The following USP35 variants were observed in gnomAD, a reference collection of about 807,000 sequenced individuals.
The protein encoded by USP35 is ubiquitin specific peptidase 35, also known as ubiquitin carboxyl-terminal hydrolase 35.
A neutral mutation model predicts 83.8 loss-of-function variants in USP35; 69 were observed. That is an observed-to-expected ratio of 0.82 (90% CI 0.68 to 1.01). The LOEUF (loss-of-function observed/expected upper bound fraction) is 1.01. USP35 is among the 50% of genes least tolerant of loss of function. The probability of loss-of-function intolerance (pLI) is 0.00; values close to 1 mark genes in which losing one functional copy is unlikely to be tolerated. For synonymous variants in USP35, 714 were observed against 589.5 expected, an observed-to-expected ratio of 1.21 and a Z score of -3.06; for missense variants, 1,503 against 1,362.5, an observed-to-expected ratio of 1.10 and a Z score of -1.62.
At chr11:78,234,726 T>A in the USP35 span, among the ~76,000 whole-genome samples, 1 of 151,932 alleles carries the variant, frequency 6.6e-6, no homozygotes, top group Non-Finnish European at 1.5e-5. Context: ...TACAACATTA[T>A]CTTGATTACC....
chr11:78,231,780 T>TC, the USP35 span: 1 of 152,250 alleles, frequency 6.6e-6, no homozygotes, highest in Non-Finnish European at 1.5e-5. Flanking sequence ...CCCACTGGAC[T>TC]CCAAGAACCC....
In USP35 at chr11:78,207,599, C is replaced by T. The variant is rs1445412794; in HGVS notation, c.1461C>T (p.Leu487=). 62 of 1,613,954 alleles carry T rather than the reference C, an allele frequency of 3.8e-5. 1 individual carries two copies. In the Admixed American group the frequency reaches 1.0e-3, roughly 26 times the overall value. The change falls in exon 8 of 11, where the codon CTC becomes CTT. Residue 487 remains leucine (L), a synonymous_variant. Coordinates refer to ENST00000529308, the MANE Select transcript of USP35 (RefSeq NM_020798.4). The part of the protein sequence containing the change: ...SQPLMTKLQW[L]FGFLEHSQRP... ...CCCTGATGACCAAGCTGCAGTGGCTCTTTGGCTTCCTAGAACACAGCCAGG... is the reference window on the plus strand; with the variant it reads ...CCCTGATGACCAAGCTGCAGTGGCTTTTTGGCTTCCTAGAACACAGCCAGG...
At chr11:78,219,875 T>G (rs1279919486), downstream of USP35, among the ~76,000 whole-genome samples, 2 of 152,150 alleles carry the variant, frequency 1.3e-5, no homozygotes, top group East Asian at 1.9e-4. Flanking sequence ...TCTAGACTGC[T>G]TAGCTATAAG....
chr11:78,189,854 C>T (rs1590890731), intron 1 of USP35, among the ~76,000 whole-genome samples: 1 of 152,282 alleles, frequency 6.6e-6, no homozygotes, highest in Middle Eastern at 3.4e-3. Flanking sequence ...AGTTTGGTGG[C>T]CCAGACATGG....
At chr11:78,219,488 G>A (rs979921168), downstream of USP35, 46 of 1,397,854 alleles carry the variant, frequency 3.3e-5, no homozygotes, top group African/African-American at 2.0e-4. Context: ...AGGTGGGCAC[G>A]GGATCTTCCT....
chr11:78,194,440 C>T (rs1167322696), intron 1 of USP35, among the ~76,000 whole-genome samples: 1 of 152,198 alleles, frequency 6.6e-6, no homozygotes, highest in Non-Finnish European at 1.5e-5. Context: ...ACTCTAGCTC[C>T]AGTTCTCAGG....
downstream of USP35, chr11:78,219,104 C>G: frequency 1.6e-6 from 1 of 641,242 alleles, no homozygotes; most frequent in African/African-American, 1.8e-5. Flanking sequence ...ATCAGGCCCT[C>G]ACCTCCCAGG....
intron 8 of USP35, 95 bp downstream of exon 8, chr11:78,207,718 G>T (rs1863576085): frequency 7.9e-7 from 1 of 1,260,762 alleles, no homozygotes. Context: ...GCCTGCATCT[G>T]GCTGTCATCT....
rs193272798 is a variant in USP35, at chr11:78,210,016, A to G, written c.2161A>G (p.Lys721Glu). The G allele has an allele frequency of 6.0e-5, 96 of 1,608,746 alleles. 1 individual carries two copies. Among genetic ancestry groups the G allele is most frequent in the Admixed American group, 4.9e-4 (29 of 59,732 alleles). The change falls in exon 10 of 11, where the codon AAG (lysine) becomes GAG (glutamate). Residue 721 changes from lysine (K) to glutamate (E), a missense_variant. Transcript: ENST00000529308. ...GGAAGAGGAAGAAGAGAAGGTGGAG[A>G]AGGAGACAGAAAAGGAGGCTGAGCA... Reference protein sequence around the residue: ...EVEEEEEKVEKETEKEAEQEK... With the variant: ...EVEEEEEKVEEETEKEAEQEK...
chr11:78,204,036 G>A (rs1018440831), intron 6 of USP35, among the ~76,000 whole-genome samples: 48 of 149,212 alleles, frequency 3.2e-4, no homozygotes, highest in African/African-American at 8.4e-4. Context: ...GACTACAGGC[G>A]CCCGCCACTA....
intron 4 of USP35, 147 bp downstream of exon 4, chr11:78,199,871 T>C: frequency 7.5e-7 from 1 of 1,332,922 alleles, no homozygotes; most frequent in Non-Finnish European, 1.0e-6. Flanking sequence ...TCTCTGGGCC[T>C]CAGATTCTCC....
the USP35 span, chr11:78,231,705 G>A: frequency 1.3e-5 from 2 of 152,038 alleles, no homozygotes; most frequent in African/African-American, 4.8e-5. Context: ...TTTTGTACTT[G>A]TTCTTCCACA....
At chr11:78,228,924 ACT>A in the USP35 span, among the ~76,000 whole-genome samples, 105 of 150,972 alleles carry the variant, frequency 7.0e-4, no homozygotes, top group Middle Eastern at 3.4e-3. Flanking sequence ...GGAATTTCCA[ACT>A]CTCTGTTGGA....
chr11:78,195,276 G>A (rs1863110799), intron 1 of USP35, among the ~76,000 whole-genome samples: 1 of 152,182 alleles, frequency 6.6e-6, no homozygotes, highest in African/African-American at 2.4e-5. Flanking sequence ...TCTCACTGAG[G>A]ACGGGTGCTT....
chr11:78,235,903 G>A, the USP35 span, among the ~76,000 whole-genome samples: 1 of 152,144 alleles, frequency 6.6e-6, no homozygotes, highest in African/African-American at 2.4e-5. Context: ...CACATTTTTG[G>A]TATCTTTTCA....
chr11:78,194,237 G>A (rs554262944), intron 1 of USP35, among the ~76,000 whole-genome samples: 1 of 150,610 alleles, frequency 6.6e-6, no homozygotes, highest in South Asian at 2.1e-4. Flanking sequence ...TCAGCCTGGT[G>A]AGAGAGACAG....
chr11:78,229,119 G>A, the USP35 span, among the ~76,000 whole-genome samples: 2 of 152,156 alleles, frequency 1.3e-5, no homozygotes, highest in African/African-American at 4.8e-5. Context: ...TGTAGCTGCT[G>A]ACAGTTGGTA....
At chr11:78,212,744 T>TATC (rs1249584486) in intron 10 of USP35, among the ~76,000 whole-genome samples, 1 of 152,232 alleles carries the variant, frequency 6.6e-6, no homozygotes, top group Non-Finnish European at 1.5e-5. Context: ...TTTTTGTATG[T>TATC]ATCATCTTGA....
At chr11:78,197,706 G>A (rs575544568) in intron 2 of USP35, among the ~76,000 whole-genome samples, 132 of 152,348 alleles carry the variant, frequency 8.7e-4, no homozygotes, top group African/African-American at 3.0e-3. Context: ...CTCTTGATCA[G>A]TGCTTCGTCT....
Sources: allele counts gnomAD v4.1 joint callset (sites outside exome capture counted in the v4.1 genomes callset), GRCh38; gene constraint gnomAD v4.1.1; transcripts MANE v1.5; gene names NCBI Gene and HGNC (gene_info 2026-07-23, HGNC 2026-07-21).